The following METTL15 variants were observed in gnomAD, a reference collection of about 807,000 sequenced individuals.
METTL15 encodes the protein methyltransferase 15, mitochondrial 12S rRNA N4-cytidine.
A neutral mutation model predicts 38.3 loss-of-function variants in METTL15; 34 were observed. That is an observed-to-expected ratio of 0.89 (90% CI 0.68 to 1.18). The LOEUF (loss-of-function observed/expected upper bound fraction) is 1.18, where lower values mean the gene tolerates loss of function less well. Among genes scored for constraint, METTL15 ranks in the 50% most tolerant of loss-of-function variants. The probability of loss-of-function intolerance (pLI) is 0.00; values close to 1 mark genes in which losing one functional copy is unlikely to be tolerated. For missense variants in METTL15, 438 were observed against 498.4 expected (o/e 0.88, Z 1.15); for synonymous variants, 162 against 170.9 (o/e 0.95, Z 0.41).
At chr11:28,143,573 G>A (rs937649767) in intron 3 of METTL15, among the ~76,000 whole-genome samples, 1 of 151,980 alleles carries the variant, frequency 6.6e-6, no homozygotes, top group African/African-American at 2.4e-5. Context: ...TTGATGTAAC[G>A]GTTCCTATTT....
chr11:28,407,986 C>T (rs1205667133), intron 5 of METTL15, among the ~76,000 whole-genome samples: 14 of 152,046 alleles, frequency 9.2e-5, no homozygotes, highest in Admixed American at 9.2e-4. Flanking sequence ...TAAGAAGGAA[C>T]AAGATTGTGG....
chr11:28,316,329 A>T (rs369838203), intron 6 of METTL15, among the ~76,000 whole-genome samples: 12 of 152,254 alleles, frequency 7.9e-5, no homozygotes, highest in Admixed American at 3.9e-4. Flanking sequence ...GCCCTACTGG[A>T]TTTCGGATTT....
chr11:28,341,805 T>C (rs1186168965), intron 3 of METTL15, among the ~76,000 whole-genome samples: 1 of 152,110 alleles, frequency 6.6e-6, no homozygotes, highest in Non-Finnish European at 1.5e-5. Flanking sequence ...ACTTCTGGAG[T>C]GGACTCTTCT....
At chr11:28,365,940 A>G (rs1416436331) in intron 5 of METTL15, among the ~76,000 whole-genome samples, 1 of 151,998 alleles carries the variant, frequency 6.6e-6, no homozygotes, top group Admixed American at 6.5e-5. Flanking sequence ...AGTGCCAGCT[A>G]CTCGGAGGCT....
intron 5 of METTL15, among the ~76,000 whole-genome samples, chr11:28,396,408 A>G (rs1850569095): frequency 6.6e-6 from 1 of 152,202 alleles, no homozygotes; most frequent in African/African-American, 2.4e-5. Flanking sequence ...TCAGGATACA[A>G]AATCAATGTG....
intron 3 of METTL15, among the ~76,000 whole-genome samples, chr11:28,192,328 T>C (rs1441206880): frequency 1.3e-5 from 2 of 151,912 alleles, no homozygotes; most frequent in Non-Finnish European, 2.9e-5. Context: ...AATTCCAAAA[T>C]AATAGTTGAT....
At chr11:28,405,311 GATAA>G (rs1226499948) in intron 5 of METTL15, among the ~76,000 whole-genome samples, 2 of 152,128 alleles carry the variant, frequency 1.3e-5, no homozygotes, top group East Asian at 1.9e-4. Flanking sequence ...TTTTTAAAGA[GATAA>G]ATAAGGAATT....
At chr11:28,520,972 A>G (rs1472414993) in intron 6 of METTL15, among the ~76,000 whole-genome samples, 1 of 151,956 alleles carries the variant, frequency 6.6e-6, no homozygotes, top group Non-Finnish European at 1.5e-5. Context: ...GCCAGTTTTA[A>G]GAACTAAGAA....
At chr11:28,157,616 T>C (rs1056230041) in intron 3 of METTL15, among the ~76,000 whole-genome samples, 1 of 152,202 alleles carries the variant, frequency 6.6e-6, no homozygotes, top group Non-Finnish European at 1.5e-5. Context: ...CTGCCTGTCA[T>C]GAACTGGGTA....
chr11:28,304,418 A>T (rs902802167), intron 6 of METTL15, among the ~76,000 whole-genome samples: 2 of 152,170 alleles, frequency 1.3e-5, no homozygotes, highest in African/African-American at 4.8e-5. Flanking sequence ...AATAAAAGAT[A>T]ATGATAAGAT....
intron 3 of METTL15, among the ~76,000 whole-genome samples, chr11:28,194,125 TTTC>T (rs1340255228): frequency 1.9e-5 from 2 of 106,314 alleles, no homozygotes; most frequent in African/African-American, 3.7e-5. Context: ...ATGGTTGATC[TTTC>T]TTTCTTTCTT....
At chr11:28,427,968 TGA>T in intron 6 of METTL15, among the ~76,000 whole-genome samples, 1 of 152,330 alleles carries the variant, frequency 6.6e-6, no homozygotes. Context: ...ACAGGAGTGA[TGA>T]GAGAGAGCAT....
At chr11:28,286,052 A>G (rs1856250806) in intron 4 of METTL15, among the ~76,000 whole-genome samples, 1 of 152,148 alleles carries the variant, frequency 6.6e-6, no homozygotes, top group African/African-American at 2.4e-5. Flanking sequence ...AAATATATAT[A>G]TATGATATCT....
intron 5 of METTL15, among the ~76,000 whole-genome samples, chr11:28,291,773 A>G (rs1856526403): frequency 6.6e-6 from 1 of 152,076 alleles, no homozygotes; most frequent in African/African-American, 2.4e-5. Context: ...ACATCAAGCC[A>G]ATTTCTGAAA....
At chr11:28,204,836 G>A (rs1265877915) in intron 3 of METTL15, among the ~76,000 whole-genome samples, 1 of 151,884 alleles carries the variant, frequency 6.6e-6, no homozygotes, top group African/African-American at 2.4e-5. Context: ...AAGAATTCAA[G>A]TGATTTCTTT....
chr11:28,477,964 A>G (rs1055537422), intron 6 of METTL15, among the ~76,000 whole-genome samples: 3 of 152,100 alleles, frequency 2.0e-5, no homozygotes, highest in African/African-American at 4.8e-5. Context: ...TGGTTCTTAC[A>G]TGTTGGTGGT....
At chr11:28,262,272 A>C (rs1855234540) in intron 4 of METTL15, among the ~76,000 whole-genome samples, 1 of 151,764 alleles carries the variant, frequency 6.6e-6, no homozygotes, top group Non-Finnish European at 1.5e-5. Context: ...AATAACTATA[A>C]TTATACACAT....
At chr11:28,275,666 C>T (rs1855815006) in intron 4 of METTL15, among the ~76,000 whole-genome samples, 1 of 149,036 alleles carries the variant, frequency 6.7e-6, no homozygotes, top group African/African-American at 2.5e-5. Context: ...AGTCTACAGG[C>T]CAGTAGCCCT....
At chr11:28,197,172 C>A (rs548992509) in intron 3 of METTL15, among the ~76,000 whole-genome samples, 1 of 151,626 alleles carries the variant, frequency 6.6e-6, no homozygotes, top group Non-Finnish European at 1.5e-5. Flanking sequence ...AGATATACAA[C>A]GGTAATTTTT....
Sources: gnomAD v4.1 joint callset for allele counts (sites outside exome capture counted in the v4.1 genomes callset) on GRCh38, gnomAD v4.1.1 for gene constraint, MANE v1.5 for transcripts, NCBI Gene and HGNC (gene_info 2026-07-23, HGNC 2026-07-21) for gene names.